KCNQ5: variants seen among roughly 807,000 people sequenced by gnomAD.
The protein encoded by KCNQ5 is potassium voltage-gated channel subfamily Q member 5, also known as potassium voltage-gated channel subfamily KQT member 5.
In KCNQ5, 30 loss-of-function variants were observed where a neutral mutation model predicts 98.2. That is an observed-to-expected ratio of 0.31 (90% CI 0.23 to 0.41). The LOEUF (loss-of-function observed/expected upper bound fraction) is 0.41, where lower values mean the gene tolerates loss of function less well. Among genes scored for constraint, KCNQ5 ranks in the 10% least tolerant of loss-of-function variants. The pLI, the probability that KCNQ5 is intolerant of heterozygous loss-of-function variation, is 1.00. For synonymous variants in KCNQ5, 458 were observed against 449.4 expected, an observed-to-expected ratio of 1.02 and a Z score of -0.24; for missense variants, 835 against 1,182.5, an observed-to-expected ratio of 0.71 and a Z score of 4.31.
intron 1 of KCNQ5, among the ~76,000 whole-genome samples, chr6:72,669,117 A>G (rs1423427648): frequency 1.3e-5 from 2 of 152,048 alleles, no homozygotes; most frequent in Admixed American, 1.3e-4. Flanking sequence ...ATCAACTCTA[A>G]AGTCTAAATT....
intron 3 of KCNQ5, among the ~76,000 whole-genome samples, chr6:73,066,074 A>G (rs958272613): frequency 1.3e-5 from 2 of 152,194 alleles, no homozygotes; most frequent in Non-Finnish European, 2.9e-5. Flanking sequence ...TGAACCCGAG[A>G]GGCGGAGGTT....
At chr6:73,020,281 G>A (rs1030266861) in intron 2 of KCNQ5, among the ~76,000 whole-genome samples, 7 of 152,026 alleles carry the variant, frequency 4.6e-5, no homozygotes, top group African/African-American at 1.4e-4. Context: ...ATAGATCAGC[G>A]TTCTCGTGAC....
intron 1 of KCNQ5, among the ~76,000 whole-genome samples, chr6:72,924,741 G>A (rs570031654): frequency 1.6e-4 from 25 of 152,192 alleles, no homozygotes; most frequent in Admixed American, 1.0e-3. Flanking sequence ...TGCTGTCTTG[G>A]TTTGCCTACA....
At chr6:72,815,316 A>G (rs911208614) in intron 1 of KCNQ5, among the ~76,000 whole-genome samples, 3 of 152,200 alleles carry the variant, frequency 2.0e-5, no homozygotes, top group African/African-American at 7.2e-5. Flanking sequence ...TTAAAATCAG[A>G]TTTTTATAAG....
At position 72,747,092 on chromosome 6, in the gene KCNQ5, A is replaced by C. The variant is rs573695939; in HGVS notation, c.398+124505A>C. ...AGGTCCAGAATTTGGATAGGAAAAA[A>C]AATGTATTTGTTTTTCCTAACTCTA... On this transcript the variant is annotated intron_variant, in intron 1 of 13. Transcript: ENST00000370398. Among the ~76,000 whole-genome samples, 316 of 152,206 alleles carry C rather than the reference A, an allele frequency of 2.1e-3. 1 individual carries two copies. The highest frequency in any genetic ancestry group is 6.6e-3 in the African/African-American group (273 of 41,550).
chr6:72,931,699 C>T (rs1367366913), intron 1 of KCNQ5, among the ~76,000 whole-genome samples: 6 of 152,148 alleles, frequency 3.9e-5, no homozygotes, highest in Non-Finnish European at 8.8e-5. Context: ...GAGGCTAAAA[C>T]AAAAGCCTTC....
chr6:73,185,255 C>A (rs1387753882), intron 11 of KCNQ5, among the ~76,000 whole-genome samples: 2 of 152,160 alleles, frequency 1.3e-5, no homozygotes, highest in African/African-American at 4.8e-5. Context: ...TGTCAAGGCT[C>A]ACTGTAGCCT....
intron 11 of KCNQ5, among the ~76,000 whole-genome samples, chr6:73,185,702 T>C (rs1416240396): frequency 6.6e-6 from 1 of 152,188 alleles, no homozygotes; most frequent in African/African-American, 2.4e-5. Flanking sequence ...TAGGATGTGC[T>C]TCTAGGAGTT....
At chr6:72,968,651 T>C (rs1372265845) in intron 1 of KCNQ5, among the ~76,000 whole-genome samples, 1 of 152,230 alleles carries the variant, frequency 6.6e-6, no homozygotes, top group Non-Finnish European at 1.5e-5. Context: ...AAGTGGCTTA[T>C]TCTTATAATC....
At chr6:73,035,300 T>C (rs1051937435) in intron 2 of KCNQ5, among the ~76,000 whole-genome samples, 2 of 152,186 alleles carry the variant, frequency 1.3e-5, no homozygotes, top group Admixed American at 1.3e-4. Flanking sequence ...GTCTTTGCTT[T>C]TGTAAAGAGT....
Position 72,622,597 on chromosome 6 carries a change from C to T in KCNQ5, c.398+10C>T. 6.2e-7 allele frequency: 1 copy of T among 1,611,886 alleles called. No homozygotes were observed. The highest frequency in any genetic ancestry group is 8.5e-7 in the Non-Finnish European group (1 of 1,179,228). ...TCTACCACGCTTTCGTGTGAGTACCCGCGCCCCCTGCTATGCCCGCTGCAG... is the reference window on the plus strand; with the variant it reads ...TCTACCACGCTTTCGTGTGAGTACCTGCGCCCCCTGCTATGCCCGCTGCAG... On this transcript the variant is annotated intron_variant, in intron 1 of 13. Coordinates refer to ENST00000370398, the MANE Select transcript of KCNQ5 (RefSeq NM_019842.4). The surrounding 1 kb of genome is among the most constrained non-coding windows in gnomAD (Gnocchi z 6.0).
chr6:73,003,277 A>T (rs1426660078), intron 1 of KCNQ5, among the ~76,000 whole-genome samples: 1 of 152,206 alleles, frequency 6.6e-6, no homozygotes, highest in Non-Finnish European at 1.5e-5. Flanking sequence ...AGAGCTGAGA[A>T]GTCATTTATC....
At chr6:73,006,074 T>C (rs1210499316) in intron 2 of KCNQ5, among the ~76,000 whole-genome samples, 1 of 152,238 alleles carries the variant, frequency 6.6e-6, no homozygotes, top group African/African-American at 2.4e-5. Flanking sequence ...TTTAATTATT[T>C]TTCACAATGA....
At chr6:72,970,647 G>A (rs1435144573) in intron 1 of KCNQ5, among the ~76,000 whole-genome samples, 1 of 152,126 alleles carries the variant, frequency 6.6e-6, no homozygotes, top group Admixed American at 6.5e-5. Flanking sequence ...TACCAAAACA[G>A]AGATATAGAC....
chr6:73,148,970 G>A (rs1042123370), intron 10 of KCNQ5, among the ~76,000 whole-genome samples: 1 of 152,164 alleles, frequency 6.6e-6, no homozygotes, highest in Non-Finnish European at 1.5e-5. Flanking sequence ...AAAGAGCAGT[G>A]GGTGATGGTT....
chr6:72,689,164 G>A (rs956747949), intron 1 of KCNQ5, among the ~76,000 whole-genome samples: 8 of 152,168 alleles, frequency 5.3e-5, no homozygotes, highest in African/African-American at 1.9e-4. Context: ...GTCCTGGTTA[G>A]AAAACAAAAA....
chr6:72,687,514 G>A (rs576596969), intron 1 of KCNQ5, among the ~76,000 whole-genome samples: 10 of 152,304 alleles, frequency 6.6e-5, no homozygotes, highest in Non-Finnish European at 1.2e-4. Flanking sequence ...GACAATACAT[G>A]TGACCATATT....
At chr6:72,740,253 T>C (rs955972098) in intron 1 of KCNQ5, among the ~76,000 whole-genome samples, 4 of 152,122 alleles carry the variant, frequency 2.6e-5, no homozygotes, top group Non-Finnish European at 5.9e-5. Context: ...AAGAGACAAA[T>C]CAGAGGACCT....
intron 1 of KCNQ5, among the ~76,000 whole-genome samples, chr6:73,002,793 A>G (rs1227584623): frequency 6.6e-6 from 1 of 152,206 alleles, no homozygotes; most frequent in Non-Finnish European, 1.5e-5. Flanking sequence ...AACTTTATTT[A>G]CACAAACAGG....
Sources: gnomAD v4.1 joint callset for allele counts (sites outside exome capture counted in the v4.1 genomes callset) on GRCh38, gnomAD v4.1.1 for gene constraint, Gnocchi (gnomAD v3.1) non-coding constraint, MANE v1.5 for transcripts, NCBI Gene and HGNC (gene_info 2026-07-23, HGNC 2026-07-21) for gene names.